Variants in HTT observed in about 807,000 individuals in gnomAD.
The protein encoded by HTT is huntingtin.
A neutral mutation model predicts 362.3 loss-of-function variants in HTT; 104 were observed. The observed-to-expected ratio is 0.29, with a 90% CI of 0.24 to 0.34. The LOEUF (loss-of-function observed/expected upper bound fraction) is 0.34, where lower values mean the gene tolerates loss of function less well. HTT is among the 10% of genes least tolerant of loss of function. HTT has a pLI of 1.00. For synonymous variants in HTT, 1,577 were observed against 1,548.7 expected, an observed-to-expected ratio of 1.02 and a Z score of -0.43; for missense variants, 3,301 against 3,928.6, an observed-to-expected ratio of 0.84 and a Z score of 4.27.
intron 42 of HTT, 124 bp downstream of exon 42, chr4:3,204,272 G>C (rs187756328): frequency 7.0e-6 from 6 of 861,564 alleles, no homozygotes; most frequent in Non-Finnish European, 1.1e-5. Context: ...AAGCTCCATC[G>C]AAACTAAATC....
At chr4:3,208,037 G>A (rs939199234) in intron 45 of HTT, among the ~76,000 whole-genome samples, 21 of 152,086 alleles carry the variant, frequency 1.4e-4, no homozygotes, top group Admixed American at 1.3e-3. Context: ...CTGCAAAAAA[G>A]GAAAAACACA....
chr4:3,119,571 T>C (rs1715196906), intron 8 of HTT, among the ~76,000 whole-genome samples: 1 of 152,254 alleles, frequency 6.6e-6, no homozygotes, highest in Non-Finnish European at 1.5e-5. Context: ...ATAACATTTA[T>C]GAACACGTGA....
At chr4:3,185,615 T>C (rs1718723986) in intron 37 of HTT, among the ~76,000 whole-genome samples, 1 of 152,196 alleles carries the variant, frequency 6.6e-6, no homozygotes, top group South Asian at 2.1e-4. Context: ...CTATTTTGCA[T>C]GATTAAAAAT....
intron 36 of HTT, among the ~76,000 whole-genome samples, chr4:3,181,454 G>C (rs1718521188): frequency 6.6e-6 from 1 of 152,076 alleles, no homozygotes; most frequent in Non-Finnish European, 1.5e-5. Context: ...TCTTAAAGTG[G>C]CATAAGAATT....
intron 29 of HTT, among the ~76,000 whole-genome samples, chr4:3,162,780 C>A (rs1560574964): frequency 1.3e-5 from 2 of 152,094 alleles, no homozygotes; most frequent in African/African-American, 4.8e-5. Flanking sequence ...GATTTTGTAT[C>A]CTGAGACTTT....
rs899774988 is a variant in HTT at position 3,186,876 on chromosome 4, C to T, written c.4989+157C>T. Among the ~76,000 whole-genome samples, 3 of 122,714 alleles carry T rather than the reference C, an allele frequency of 2.4e-5. No individual in the cohort carries two copies. The Admixed American group carries it at 3.0e-4, about 12-fold the overall frequency. 80.5% of individuals were successfully genotyped at this position (122,714 alleles called of 152,430 possible). A position where few individuals can be genotyped will look rare whatever the true frequency, so the allele number is the denominator to read the frequency against. ...TTTTTTTTTTGGTGTGGGGGTGGTG[C>T]GGAACAGAGTCTCACTCTGTCGCCC... is the stretch of plus-strand genomic sequence containing the variant. On this transcript the variant is annotated intron_variant, in intron 38 of 66. Transcript: ENST00000355072.
Position 3,240,335 on chromosome 4 carries a change from C to A in HTT, c.*276C>A, listed in dbSNP as rs1473304160. 2.0e-6 allele frequency: 1 copy of A among 501,206 alleles called. No individual in the cohort carries two copies. Among genetic ancestry groups the A allele is most frequent in the East Asian group, 3.6e-5 (1 of 27,992 alleles). The allele number at this position is 501,206 out of a possible 1,614,324, so 31.0% of individuals were successfully genotyped here. On this transcript the variant is annotated 3_prime_UTR_variant, in exon 67 of 67. Coordinates refer to ENST00000355072, the MANE Select transcript of HTT (RefSeq NM_001388492.1). Reference sequence around the variant, plus strand: ...TGCACCCCATGTGGGTGACCAGGTCCTTTCTCCTGATAGTCACCTGCTGGT... The same window carrying A: ...TGCACCCCATGTGGGTGACCAGGTCATTTCTCCTGATAGTCACCTGCTGGT...
intron 40 of HTT, among the ~76,000 whole-genome samples, chr4:3,197,647 G>C (rs895534314): frequency 6.6e-6 from 1 of 152,070 alleles, no homozygotes; most frequent in Admixed American, 6.5e-5. Flanking sequence ...ACAGCCCTGC[G>C]AACAGATACT....
At chr4:3,186,210 A>AT (rs1718750148) in intron 37 of HTT, among the ~76,000 whole-genome samples, 1 of 151,882 alleles carries the variant, frequency 6.6e-6, no homozygotes, top group Non-Finnish European at 1.5e-5. Flanking sequence ...AGAAAAAAAA[A>AT]AGTGCACACC....
intron 41 of HTT, among the ~76,000 whole-genome samples, chr4:3,201,687 A>C (rs893908141): frequency 2.6e-5 from 4 of 152,172 alleles, no homozygotes; most frequent in African/African-American, 9.7e-5. Context: ...TGGTGGAAGG[A>C]AAAAATAAAT....
chr4:3,233,092 C>T (rs1052674226), intron 60 of HTT, 71 bp from the exon 61 acceptor site: 75 of 1,343,864 alleles, frequency 5.6e-5, no homozygotes, highest in Non-Finnish European at 6.7e-5. Context: ...GCCCCCGCCT[C>T]GGCTGTGGGG....
chr4:3,190,229 C>T (rs1455948270), intron 40 of HTT, among the ~76,000 whole-genome samples: 5 of 151,788 alleles, frequency 3.3e-5, no homozygotes, highest in Non-Finnish European at 5.9e-5. Context: ...TGCCTGTAGT[C>T]CCAGCTACTT....
intron 28 of HTT, 23 bp from the exon 29 acceptor site, chr4:3,160,259 G>A (rs1249034486): frequency 2.1e-6 from 3 of 1,460,338 alleles, no homozygotes; most frequent in East Asian, 4.9e-5. Context: ...GTAACCGTGT[G>A]TTCTCTCCTT....
intron 2 of HTT, among the ~76,000 whole-genome samples, chr4:3,092,257 C>T (rs1713550310): frequency 6.6e-6 from 1 of 152,300 alleles, no homozygotes; most frequent in African/African-American, 2.4e-5. Context: ...CTCCTGACCT[C>T]ATGATCCGCG....
chr4:3,131,667 A>C lies in HTT; in HGVS notation c.2128A>C (p.Ser710Arg), dbSNP rs1715822731. 6.2e-7 allele frequency: 1 copy of C among 1,613,880 alleles called. No individual in the cohort carries two copies. The highest frequency in any genetic ancestry group is 8.5e-7 in the Non-Finnish European group (1 of 1,180,018). Reference protein sequence around the residue: ...VLVPDRDVRVSVKALALSCVG... With the variant: ...VLVPDRDVRVRVKALALSCVG... ...GGTTCCGGACAGGGATGTGAGGGTC[A>C]GCGTGAAGGCCCTGGCCCTCAGCTG... is the stretch of plus-strand genomic sequence containing the variant. Residue 710 changes from serine to arginine, a missense_variant, in exon 16 of 67, where the codon AGC becomes CGC. By Grantham distance (110) the Ser-to-Arg change is moderately radical. This residue lies in a region of HTT where 2,316 missense variants were observed against 2,658.5 expected (regional missense o/e 0.87). Coordinates refer to ENST00000355072, the MANE Select transcript of HTT (RefSeq NM_001388492.1).
chr4:3,138,789 T>C (rs1221686297), intron 21 of HTT, among the ~76,000 whole-genome samples: 1 of 152,132 alleles, frequency 6.6e-6, no homozygotes, highest in East Asian at 1.9e-4. Flanking sequence ...TTTTTGTATT[T>C]TTTGGTAGAG....
intron 8 of HTT, among the ~76,000 whole-genome samples, chr4:3,119,541 G>T (rs1715194018): frequency 6.6e-6 from 1 of 152,110 alleles, no homozygotes; most frequent in African/African-American, 2.4e-5. Flanking sequence ...GAACATTATT[G>T]TTCATAAATT....
chr4:3,235,474 A>G, intron 62 of HTT, 76 bp downstream of exon 62: 1 of 1,505,682 alleles, frequency 6.6e-7, no homozygotes, highest in Non-Finnish European at 9.2e-7. Context: ...GGATCATACC[A>G]GTGGGCCAGT....
At chr4:3,145,367 T>G (rs1716550015) in intron 24 of HTT, 139 bp downstream of exon 24, 3 of 664,496 alleles carry the variant, frequency 4.5e-6, no homozygotes. Flanking sequence ...GGAATACTTG[T>G]TTCTGCTATA....
Sources: gnomAD v4.1 joint callset for allele counts (sites outside exome capture counted in the v4.1 genomes callset) on GRCh38, gnomAD v4.1.1 for gene constraint, gnomAD v4.1.1 regional missense constraint, MANE v1.5 for transcripts, NCBI Gene and HGNC (gene_info 2026-07-23, HGNC 2026-07-21) for gene names.